The following ACACA variants were observed in gnomAD, a reference collection of about 807,000 sequenced individuals.
ACACA encodes acetyl-CoA carboxylase 1.
In ACACA, 103 loss-of-function variants were observed where a neutral mutation model predicts 296.1. The observed-to-expected ratio is 0.35, with a 90% CI of 0.30 to 0.41. The LOEUF is 0.41. Among genes scored for constraint, ACACA ranks in the 10% least tolerant of loss-of-function variants. The probability of loss-of-function intolerance (pLI) is 1.00; values close to 1 mark genes in which losing one functional copy is unlikely to be tolerated. For missense variants in ACACA, 1,554 were observed against 2,989.7 expected, an observed-to-expected ratio of 0.52 and a Z score of 11.20; for synonymous variants, 953 against 1,038.6, an observed-to-expected ratio of 0.92 and a Z score of 1.58.
chr17:37,363,881 G>A (rs967717753), intron 1 of ACACA, among the ~76,000 whole-genome samples: 3 of 152,130 alleles, frequency 2.0e-5, no homozygotes, highest in East Asian at 1.9e-4. Flanking sequence ...CCAGCACTTC[G>A]GGAGGACGAG....
intron 1 of ACACA, among the ~76,000 whole-genome samples, chr17:37,375,692 CAT>C (rs1383504810): frequency 6.6e-6 from 1 of 152,186 alleles, no homozygotes; most frequent in Non-Finnish European, 1.5e-5. Flanking sequence ...GAAATCTCCA[CAT>C]CTTTTCATGA....
intron 3 of ACACA, among the ~76,000 whole-genome samples, chr17:37,285,729 C>T (rs2055423559): frequency 6.6e-6 from 1 of 151,394 alleles, no homozygotes; most frequent in African/African-American, 2.4e-5. Flanking sequence ...GGGGGCGCAG[C>T]TGAGGCAGAT....
At chr17:37,126,574 T>C (rs2074796938) in intron 47 of ACACA, among the ~76,000 whole-genome samples, 1 of 152,184 alleles carries the variant, frequency 6.6e-6, no homozygotes, top group South Asian at 2.1e-4. Context: ...CAAATAACCG[T>C]TTCCTAGTTT....
At chr17:37,209,975 T>G (rs1043669387) in intron 30 of ACACA, among the ~76,000 whole-genome samples, 2 of 152,218 alleles carry the variant, frequency 1.3e-5, no homozygotes, top group African/African-American at 4.8e-5. Context: ...ATCATAACAT[T>G]TTAACACTTT....
intron 1 of ACACA, among the ~76,000 whole-genome samples, chr17:37,350,469 G>C (rs185039188): frequency 6.6e-6 from 1 of 152,144 alleles, no homozygotes; most frequent in African/African-American, 2.4e-5. Flanking sequence ...GCAGTGAGCC[G>C]TGACTGTATC....
intron 24 of ACACA, among the ~76,000 whole-genome samples, chr17:37,238,075 G>A (rs1265210356): frequency 6.6e-6 from 1 of 152,246 alleles, no homozygotes; most frequent in Admixed American, 6.5e-5. Context: ...TTGATGAACA[G>A]AAGTTCTTGA....
chr17:37,314,600 C>T (rs534143907), intron 3 of ACACA, among the ~76,000 whole-genome samples: 5 of 147,306 alleles, frequency 3.4e-5, no homozygotes, highest in African/African-American at 1.3e-4. Flanking sequence ...AGGCTGTAAT[C>T]TAATAAATCC....
At chr17:37,381,775 T>C (rs4485415) in intron 1 of ACACA, among the ~76,000 whole-genome samples, 7,377 of 151,304 alleles carry the variant, frequency 0.049, 232 homozygotes, top group Non-Finnish European at 0.053. Flanking sequence ...CTACAGGCAC[T>C]CGCCACCACA....
At chr17:37,382,296 G>A (rs12601443) in intron 1 of ACACA, among the ~76,000 whole-genome samples, 3 of 151,832 alleles carry the variant, frequency 2.0e-5, no homozygotes, top group Non-Finnish European at 4.4e-5. Flanking sequence ...CTTAACCTCA[G>A]CCTGAAGTTT....
At chr17:37,368,067 TCAAACAAA>T (rs772554051) in intron 1 of ACACA, among the ~76,000 whole-genome samples, 4 of 146,900 alleles carry the variant, frequency 2.7e-5, no homozygotes, top group African/African-American at 1.0e-4. Context: ...AGACTCCGTC[TCAAACAAA>T]CAAACAAACA....
intron 11 of ACACA, among the ~76,000 whole-genome samples, chr17:37,259,948 C>T (rs1311286622): frequency 1.3e-5 from 2 of 149,374 alleles, no homozygotes; most frequent in Non-Finnish European, 3.0e-5. Flanking sequence ...GGCACAATCT[C>T]GTGGCTCACT....
chr17:37,088,143 T>TCAGA (rs369475384), intron 55 of ACACA, among the ~76,000 whole-genome samples: 1 of 152,160 alleles, frequency 6.6e-6, no homozygotes, highest in Non-Finnish European at 1.5e-5. Context: ...TGGGGAGACA[T>TCAGA]CAGACAAACT....
Position 37,097,811 on chromosome 17 carries a change from T to C in ACACA, c.6720+19A>G. On this transcript the variant is annotated intron_variant, in intron 53 of 55. Transcript: ENST00000616317. The surrounding 1 kb of genome is among the most constrained non-coding windows in gnomAD (Gnocchi z 4.8). ...CCACATGTGGGCCTCTGACAAGAAG[T>C]GGCAACCATTGTACTTACGCTAATA... The C allele has an allele frequency of 6.2e-7, 1 of 1,613,484 alleles. No homozygotes were observed. Among genetic ancestry groups the C allele is most frequent in the Middle Eastern group, 1.7e-4 (1 of 6,060 alleles).
intron 2 of ACACA, among the ~76,000 whole-genome samples, chr17:37,334,226 T>C (rs2048009803): frequency 6.6e-6 from 1 of 152,118 alleles, no homozygotes; most frequent in African/African-American, 2.4e-5. Context: ...ACTTAGTCCA[T>C]ACAAAATGCT....
intron 1 of ACACA, among the ~76,000 whole-genome samples, chr17:37,392,871 G>A (rs1342840074): frequency 6.6e-6 from 1 of 152,068 alleles, no homozygotes; most frequent in Non-Finnish European, 1.5e-5. Flanking sequence ...GGCCAGGCAT[G>A]GTGGCTCACG....
intron 23 of ACACA, among the ~76,000 whole-genome samples, chr17:37,241,376 G>A (rs1179936102): frequency 6.6e-6 from 1 of 152,030 alleles, no homozygotes; most frequent in Non-Finnish European, 1.5e-5. Flanking sequence ...CATCAAAATG[G>A]CAAGGAAAAA....
At chr17:37,302,138 G>A (rs2083648356) in intron 3 of ACACA, among the ~76,000 whole-genome samples, 1 of 149,548 alleles carries the variant, frequency 6.7e-6, no homozygotes, top group Admixed American at 6.7e-5. Flanking sequence ...ACCACGCCCA[G>A]CTAATTTTTT....
At position 37,271,201 on chromosome 17, in the gene ACACA, AGTAC is replaced by A. The variant is rs1343140942; in HGVS notation, c.1009-344_1009-341del. On this transcript the variant is annotated intron_variant, in intron 9 of 55. Transcript: ENST00000616317. ...GTAAGTGCAAAGAAGTGAAGTCCAG[AGTAC>A]ATACCAGCAATGATTTAGAAAAGAA... 4.6e-5 allele frequency among the ~76,000 whole-genome samples: 7 copies of A among 152,328 alleles called. No individual in the cohort carries two copies. The East Asian group carries it at 7.7e-4, about 17-fold the overall frequency.
At chr17:37,375,853 C>T (rs937046407) in intron 1 of ACACA, 83 of 464,996 alleles carry the variant, frequency 1.8e-4, no homozygotes, top group African/African-American at 1.5e-3. Context: ...ATGTCGGCAC[C>T]GGCAGCGAAG....
Sources: gnomAD v4.1 joint callset for allele counts (sites outside exome capture counted in the v4.1 genomes callset) on GRCh38, gnomAD v4.1.1 for gene constraint, Gnocchi (gnomAD v3.1) non-coding constraint, MANE v1.5 for transcripts, NCBI Gene and HGNC (gene_info 2026-07-23, HGNC 2026-07-21) for gene names.